The following AVIL variants were observed in gnomAD, a reference collection of about 807,000 sequenced individuals.
AVIL encodes advillin.
Under a neutral mutation model 109.9 loss-of-function variants are expected in AVIL, and 78 were observed. The ratio of observed to expected loss-of-function variants is 0.71; its 90% CI spans 0.59 to 0.86. The LOEUF is 0.86. Ranked by LOEUF, AVIL falls within the 40% of genes least tolerant of loss-of-function variation. The pLI is 0.00. For missense variants in AVIL, 892 were observed against 1,016.5 expected, an observed-to-expected ratio of 0.88 and a Z score of 1.67; for synonymous variants, 367 against 379.1, an observed-to-expected ratio of 0.97 and a Z score of 0.37.
intron 18 of AVIL, 91 bp downstream of exon 18, chr12:57,801,053 A>G: frequency 9.6e-7 from 1 of 1,039,360 alleles, no homozygotes; most frequent in Admixed American, 2.0e-5. Flanking sequence ...TAAGGACATG[A>G]GTTTTGCCTG....
At chr12:57,802,709 T>C (rs1045802084) in intron 16 of AVIL, 1 of 610,174 alleles carries the variant, frequency 1.6e-6, no homozygotes, top group Non-Finnish European at 2.9e-6. Flanking sequence ...TCTCCACTTT[T>C]GATAGGTGGT....
chr12:57,806,351 C>A lies in AVIL; in HGVS notation c.1671+9G>T. 6.2e-7 allele frequency: 1 copy of A among 1,613,916 alleles called. No homozygotes were observed. Among genetic ancestry groups the A allele is most frequent in the Non-Finnish European group, 8.5e-7 (1 of 1,179,974 alleles). On this transcript the variant is annotated intron_variant, in intron 14 of 19. Transcript: ENST00000549994. ...GGGGCTGGTCTGACCCGGGGCCCAG[C>A]CATCCTACCTTGCCATACCACAGGT...
In AVIL at chr12:57,813,419, C is replaced by T. The variant is rs150020758; in HGVS notation, c.146G>A (p.Arg49Gln). Residue 49 changes from arginine (R) to glutamine (Q), a missense_variant, in exon 4 of 20, where the codon CGG (arginine) becomes CAG (glutamine). Arg to Gln is a conservative substitution (Grantham distance 43). Transcript: ENST00000549994. ...EGDCYVILST[R>Q]RVASLLSQDI... ...CTGGGATAGGAGACTGGCCACTCTC[C>T]GGGTCTGGGAGGTAGTCAGAGAGAT... 3.7e-5 allele frequency: 59 copies of T among 1,613,202 alleles called. No homozygotes were observed. The South Asian group carries it at 4.6e-4, about 13-fold the overall frequency.
chr12:57,803,832 G>T, intron 14 of AVIL, 163 bp from the exon 15 acceptor site: 2 of 989,984 alleles, frequency 2.0e-6, no homozygotes, highest in Non-Finnish European at 2.9e-6. Context: ...GCTGGGGAGT[G>T]GGGAGGAAAA....
At chr12:57,815,919 C>T in intron 2 of AVIL, 56 bp downstream of exon 2, 1 of 1,611,388 alleles carries the variant, frequency 6.2e-7, no homozygotes, top group South Asian at 1.1e-5. Flanking sequence ...CCCCAGGCAG[C>T]CAGACTGCTT....
chr12:57,816,700 C>CTTTTTTTTTTTTTTTTTTTT (rs11349032), intron 1 of AVIL, among the ~76,000 whole-genome samples: 1 of 93,490 alleles, frequency 1.1e-5, no homozygotes. Context: ...GGCTTTTGTC[C>CTTTTTTTTTTTTTTTTTTTT]TTTTTTTTTT....
intron 1 of AVIL, among the ~76,000 whole-genome samples, chr12:57,817,368 A>G (rs959841411): frequency 2.7e-5 from 4 of 150,150 alleles, no homozygotes; most frequent in African/African-American, 9.9e-5. Flanking sequence ...TGCGCCATCT[A>G]GTATGGACTT....
chr12:57,800,124 G>T, intron 18 of AVIL: 1 of 647,486 alleles, frequency 1.5e-6, no homozygotes, highest in Non-Finnish European at 2.5e-6. Context: ...GTTGTTCTTG[G>T]GAAAGCTGAT....
Position 57,815,860 on chromosome 12 carries a change from TCTC to T in AVIL, c.66+112_66+114del, listed in dbSNP as rs551990330. 1.6e-4 allele frequency: 253 copies of T among 1,563,578 alleles called. 1 individual carries two copies. The Middle Eastern group carries it at 6.9e-3, about 42-fold the overall frequency. ...TAGGTACTTTGATGCTGCCTCTCAT[TCTC>T]CTCAAACCATAGGCTAAGGGGTGCT... On this transcript the variant is annotated intron_variant, in intron 2 of 19. Transcript: ENST00000549994.
chr12:57,798,991 C>T (rs894777248), intron 19 of AVIL, among the ~76,000 whole-genome samples: 13 of 152,292 alleles, frequency 8.5e-5, no homozygotes, highest in African/African-American at 2.9e-4. Context: ...CTGCTAGGCA[C>T]TGTTGTAGGT....
In AVIL at chr12:57,811,045, C is replaced by T; in HGVS notation, c.421G>A (p.Gly141Arg). ...YDVKRLLHVK[G>R]KRNIRATEVE... ...TCGGTAGCCCTGATGTTTCTTTTCCCTTTCACATGTAGCAGCCGCTTCACG... is the reference window on the plus strand; with the variant it reads ...TCGGTAGCCCTGATGTTTCTTTTCCTTTTCACATGTAGCAGCCGCTTCACG... The change falls in exon 5 of 20, where the codon GGG (glycine) becomes AGG (arginine). Residue 141 changes from glycine (G) to arginine (R), a missense_variant. By Grantham distance (125) the Gly-to-Arg change is moderately radical. Coordinates refer to ENST00000549994, the MANE Select transcript of AVIL (RefSeq NM_006576.4). 6.2e-7 allele frequency: 1 copy of T among 1,614,188 alleles called. No individual in the cohort carries two copies. The highest frequency in any genetic ancestry group is 1.1e-5 in the South Asian group (1 of 91,086).
intron 1 of AVIL, 190 bp from the exon 2 acceptor site, chr12:57,816,249 C>T: frequency 1.9e-6 from 1 of 537,930 alleles, no homozygotes; most frequent in Non-Finnish European, 3.3e-6. Flanking sequence ...CCTGGCTGGC[C>T]TGGGGATTAC....
rs755234375 is a variant in AVIL at position 57,803,241 on chromosome 12, T to TCTTA, written c.1962+2_1962+5dup. 6.2e-7 allele frequency: 1 copy of TCTTA among 1,614,028 alleles called. No individual in the cohort carries two copies. The highest frequency in any genetic ancestry group is 8.5e-7 in the Non-Finnish European group (1 of 1,179,952). The stretch of plus-strand genomic sequence containing the variant: ...TCATGTTCTGACTTCTGCAGCTGTG[T>TCTTA]CTTACCTGGTCCCAGGTATCTAGGA... On this transcript the variant is annotated splice_donor_region_variant and intron_variant, in intron 16 of 19. Transcript: ENST00000549994.
At chr12:57,807,877 T>G in intron 11 of AVIL, 150 bp from the exon 12 acceptor site, 1 of 1,123,478 alleles carries the variant, frequency 8.9e-7, no homozygotes, top group Non-Finnish European at 1.3e-6. Flanking sequence ...TGAGGACTCA[T>G]CACATTTGCA....
chr12:57,818,022 G>T (rs757243880), intron 1 of AVIL, among the ~76,000 whole-genome samples: 13 of 151,734 alleles, frequency 8.6e-5, no homozygotes, highest in African/African-American at 1.2e-4. Context: ...GCTGTTTTTT[G>T]TTGTTGTTGT....
chr12:57,813,513 C>T, intron 3 of AVIL, 90 bp from the exon 4 acceptor site: 8 of 1,338,592 alleles, frequency 6.0e-6, no homozygotes, highest in Non-Finnish European at 8.3e-6. Context: ...AGCACATGTG[C>T]ATGCCCTTGG....
In AVIL at chr12:57,815,955, G is replaced by T. The variant is rs747922584; in HGVS notation, c.66+20C>A. ...CCAGATGCCAGTGGTCACAAGTAAG[G>T]TGCCTCCAGCCCAGCTCACCTCTAT... On this transcript the variant is annotated intron_variant, in intron 2 of 19. Coordinates refer to ENST00000549994, the MANE Select transcript of AVIL (RefSeq NM_006576.4). The T allele has an allele frequency of 8.1e-6, 13 of 1,613,946 alleles. No homozygotes were observed. Among genetic ancestry groups the T allele is most frequent in the Non-Finnish European group, 1.1e-5 (13 of 1,179,978 alleles).
chr12:57,812,808 C>T (rs1435651906), intron 4 of AVIL, among the ~76,000 whole-genome samples: 2 of 152,140 alleles, frequency 1.3e-5, no homozygotes, highest in African/African-American at 4.8e-5. Flanking sequence ...CATAATACTC[C>T]GTGGTGTGCA....
intron 9 of AVIL, chr12:57,809,231 C>T (rs1956000371): frequency 4.1e-6 from 1 of 245,116 alleles, no homozygotes; most frequent in Non-Finnish European, 8.1e-6. Context: ...AACTCCTTAC[C>T]TCAGGTGATC....
Sources: gnomAD v4.1 joint callset for allele counts (sites outside exome capture counted in the v4.1 genomes callset) on GRCh38, gnomAD v4.1.1 for gene constraint, MANE v1.5 for transcripts, NCBI Gene and HGNC (gene_info 2026-07-23, HGNC 2026-07-21) for gene names.